CHST9: variants seen among roughly 807,000 people sequenced by gnomAD.
The protein encoded by CHST9 is GalNAc-4-sulfotransferase 2.
In CHST9, 41 loss-of-function variants were observed where a neutral mutation model predicts 44.4. That is an observed-to-expected ratio of 0.92 (90% CI 0.72 to 1.20). CHST9 has a LOEUF of 1.20. CHST9 is among the 50% of genes most tolerant of loss of function. The pLI, the probability that CHST9 is intolerant of heterozygous loss-of-function variation, is 0.00. For synonymous variants in CHST9, 171 were observed against 178.4 expected (o/e 0.96, Z 0.33); for missense variants, 504 against 516.5 (o/e 0.98, Z 0.23).
chr18:27,158,308 T>A (rs575836568), intron 1 of CHST9, among the ~76,000 whole-genome samples: 3 of 146,394 alleles, frequency 2.0e-5, no homozygotes, highest in Non-Finnish European at 4.5e-5. Flanking sequence ...CCTGTGTCCA[T>A]GTGTTCTCAT....
At chr18:27,133,065 T>A (rs1420587714) in intron 2 of CHST9, among the ~76,000 whole-genome samples, 2 of 152,080 alleles carry the variant, frequency 1.3e-5, no homozygotes, top group Non-Finnish European at 2.9e-5. Flanking sequence ...TAGCCTCCCA[T>A]CCCCTGGACG....
chr18:27,018,765 T>G (rs2057184796), intron 4 of CHST9, among the ~76,000 whole-genome samples: 1 of 152,158 alleles, frequency 6.6e-6, no homozygotes, highest in Non-Finnish European at 1.5e-5. Flanking sequence ...CCTACCAACT[T>G]TGGTAATCCT....
chr18:26,948,067 A>G (rs1169208561), intron 4 of CHST9, among the ~76,000 whole-genome samples: 1 of 152,248 alleles, frequency 6.6e-6, no homozygotes, highest in East Asian at 1.9e-4. Flanking sequence ...CTATGCAGTC[A>G]TAAAAAAGGA....
chr18:27,097,261 C>T (rs546853911), intron 2 of CHST9, among the ~76,000 whole-genome samples: 72 of 151,912 alleles, frequency 4.7e-4, no homozygotes, highest in South Asian at 4.1e-3. Context: ...AAAATAAGAG[C>T]CATCTATGAC....
chr18:27,174,619 A>T (rs1459168953), intron 1 of CHST9, among the ~76,000 whole-genome samples: 3 of 151,966 alleles, frequency 2.0e-5, no homozygotes, highest in Non-Finnish European at 4.4e-5. Context: ...CCAATGGCAG[A>T]TGACTTTTTT....
At chr18:26,966,306 C>A (rs555457928) in intron 4 of CHST9, among the ~76,000 whole-genome samples, 174 of 152,294 alleles carry the variant, frequency 1.1e-3, no homozygotes, top group African/African-American at 3.9e-3. Context: ...CTAAAGAAAT[C>A]TCTTTTAAAT....
intron 2 of CHST9, among the ~76,000 whole-genome samples, chr18:27,066,823 A>G (rs1202508907): frequency 6.6e-6 from 1 of 152,220 alleles, no homozygotes; most frequent in Non-Finnish European, 1.5e-5. Context: ...AAGCTAGAGT[A>G]AATTCTAAAA....
At chr18:26,944,089 T>C (rs902321968) in intron 5 of CHST9, among the ~76,000 whole-genome samples, 1 of 152,174 alleles carries the variant, frequency 6.6e-6, no homozygotes, top group African/African-American at 2.4e-5. Flanking sequence ...CAGAGTCTCA[T>C]TAGTCTACTG....
intron 2 of CHST9, among the ~76,000 whole-genome samples, chr18:27,124,866 C>G (rs1372324494): frequency 1.3e-5 from 2 of 152,166 alleles, no homozygotes; most frequent in Non-Finnish European, 2.9e-5. Flanking sequence ...AATTCTGAAG[C>G]AATTTCATTG....
chr18:27,109,926 A>T (rs1322573005), intron 2 of CHST9, among the ~76,000 whole-genome samples: 1 of 152,128 alleles, frequency 6.6e-6, no homozygotes, highest in Non-Finnish European at 1.5e-5. Context: ...CATTAGCAGG[A>T]GGGGAAGCTC....
rs2057391600 is a variant in CHST9 at position 27,036,465 on chromosome 18, T to C, written c.160+12000A>G. On this transcript the variant is annotated intron_variant, in intron 3 of 5. Transcript: ENST00000618847. ...CTAGAATTACATTACAGGGTTTCTATAGAAGGAAATACAGAGGCACAGGTG... is the reference window on the plus strand; with the variant it reads ...CTAGAATTACATTACAGGGTTTCTACAGAAGGAAATACAGAGGCACAGGTG... Among the ~76,000 whole-genome samples, 3 of 152,216 alleles carry C rather than the reference T, an allele frequency of 2.0e-5. 1 individual carries two copies. Among genetic ancestry groups the C allele is most frequent in the East Asian group, 3.8e-4 (2 of 5,198 alleles).
chr18:27,024,836 T>C (rs2057266699), intron 3 of CHST9, among the ~76,000 whole-genome samples: 1 of 152,040 alleles, frequency 6.6e-6, no homozygotes, highest in South Asian at 2.1e-4. Context: ...CTTGAACGGG[T>C]GATTTTTCAT....
chr18:26,985,102 G>T (rs986966746), intron 4 of CHST9, among the ~76,000 whole-genome samples: 2 of 152,134 alleles, frequency 1.3e-5, no homozygotes, highest in Non-Finnish European at 2.9e-5. Context: ...CAAAGGTCTA[G>T]CTAGAGTAAA....
intron 3 of CHST9, among the ~76,000 whole-genome samples, chr18:27,043,883 T>A (rs1166356338): frequency 1.3e-5 from 2 of 152,028 alleles, no homozygotes; most frequent in Admixed American, 1.3e-4. Context: ...TTTGGCCACA[T>A]CTCCCACCTC....
intron 2 of CHST9, among the ~76,000 whole-genome samples, chr18:27,108,310 C>G (rs1307740856): frequency 1.3e-5 from 2 of 152,062 alleles, no homozygotes; most frequent in East Asian, 1.9e-4. Flanking sequence ...AAAAAATCAT[C>G]AGTCAAGCCA....
intron 2 of CHST9, among the ~76,000 whole-genome samples, chr18:27,077,651 A>G (rs1407119565): frequency 6.6e-6 from 1 of 152,196 alleles, no homozygotes; most frequent in African/African-American, 2.4e-5. Context: ...TTTCATCTCT[A>G]TGAATTCTGT....
intron 4 of CHST9, among the ~76,000 whole-genome samples, chr18:26,993,213 G>T (rs2056845972): frequency 6.6e-6 from 1 of 152,158 alleles, no homozygotes. Context: ...ATCTTGCTTA[G>T]CATGGCAGGT....
chr18:27,062,541 T>A (rs2057736777), intron 2 of CHST9, among the ~76,000 whole-genome samples: 1 of 152,224 alleles, frequency 6.6e-6, no homozygotes, highest in African/African-American at 2.4e-5. Context: ...TGTGCCACAT[T>A]TTCTTATCCA....
At chr18:26,935,620 T>G (rs1294314516) in intron 5 of CHST9, 1 of 152,204 alleles carries the variant, frequency 6.6e-6, no homozygotes, top group East Asian at 1.9e-4. Flanking sequence ...CTGGCCTAAT[T>G]GCATTATCCA....
Sources: allele counts gnomAD v4.1 joint callset (sites outside exome capture counted in the v4.1 genomes callset), GRCh38; gene constraint gnomAD v4.1.1; transcripts MANE v1.5; gene names NCBI Gene and HGNC (gene_info 2026-07-23, HGNC 2026-07-21).